The following PHC3 variants were observed in gnomAD, a reference collection of about 807,000 sequenced individuals.
PHC3 encodes polyhomeotic-like protein 3.
Under a neutral mutation model 107.4 loss-of-function variants are expected in PHC3, and 13 were observed. The ratio of observed to expected loss-of-function variants is 0.12; its 90% CI spans 0.08 to 0.19. The LOEUF is 0.19. Among genes scored for constraint, PHC3 ranks in the 10% least tolerant of loss-of-function variants. PHC3 has a pLI of 1.00. For synonymous variants in PHC3, 456 were observed against 427.4 expected, an observed-to-expected ratio of 1.07 and a Z score of -0.83; for missense variants, 992 against 1,210.9, an observed-to-expected ratio of 0.82 and a Z score of 2.68.
intron 6 of PHC3, among the ~76,000 whole-genome samples, chr3:170,142,017 C>T (rs1373588694): frequency 6.6e-6 from 1 of 152,148 alleles, no homozygotes; most frequent in Non-Finnish European, 1.5e-5. Context: ...TAGTTAGCAG[C>T]TTGTGATATC....
chr3:170,129,440 C>T lies in PHC3; in HGVS notation c.1032G>A (p.Gln344=). The part of the protein sequence containing the change: ...HHQLILQQQQ[Q]QIQPITLQNS... ...TCTGAAGTGTGATTGGCTGAATTTG[C>T]TGTTGCTGCTGTTGTAATATCAGCT... Residue 344 remains glutamine (Q), a synonymous_variant, in exon 8 of 15, where the codon CAG becomes CAA. Transcript: ENST00000495893. The T allele has an allele frequency of 1.2e-6, 2 of 1,613,826 alleles. No homozygotes were observed. Among genetic ancestry groups the T allele is most frequent in the Non-Finnish European group, 1.7e-6 (2 of 1,179,842 alleles).
intron 10 of PHC3, among the ~76,000 whole-genome samples, chr3:170,114,127 G>A (rs1718420532): frequency 2.0e-5 from 3 of 151,928 alleles, no homozygotes; most frequent in Admixed American, 1.3e-4. Context: ...CTCCTGTCTC[G>A]GCCTCCCAAG....
At chr3:170,102,130 A>G in intron 14 of PHC3, 1 of 982,808 alleles carries the variant, frequency 1.0e-6, no homozygotes, top group Non-Finnish European at 1.2e-6. Context: ...GAATAGAAAA[A>G]TAGAAGAGCA....
intron 7 of PHC3, 76 bp from the exon 8 acceptor site, chr3:170,129,628 T>G: frequency 1.5e-6 from 2 of 1,341,956 alleles, no homozygotes; most frequent in Middle Eastern, 3.8e-4. Flanking sequence ...AAGGAAAAAG[T>G]GTTCATTATC....
chr3:170,099,834 A>C (rs143251191), intron 14 of PHC3, among the ~76,000 whole-genome samples: 1,862 of 152,354 alleles, frequency 0.012, 41 homozygotes, highest in African/African-American at 0.042. Flanking sequence ...TGTTTTAAAA[A>C]ATGATTCCTA....
At chr3:170,131,142 T>A (rs1324100785) in intron 7 of PHC3, among the ~76,000 whole-genome samples, 20 of 59,450 alleles carry the variant, frequency 3.4e-4, no homozygotes, top group Non-Finnish European at 4.4e-4. Flanking sequence ...ATCCACTAAT[T>A]GTTAAAAAAA....
chr3:170,156,247 G>A (rs375909764), intron 4 of PHC3, among the ~76,000 whole-genome samples: 3 of 151,660 alleles, frequency 2.0e-5, no homozygotes, highest in East Asian at 3.9e-4. Context: ...CACCATATCC[G>A]GCCCTATGCA....
Position 170,096,980 on chromosome 3 carries a change from G to A in PHC3, c.*250C>T. The A allele has an allele frequency of 3.1e-6, 1 of 320,062 alleles. No individual in the cohort carries two copies. The highest frequency in any genetic ancestry group is 2.1e-5 in the African/African-American group (1 of 46,912). 19.8% of individuals were successfully genotyped at this position (320,062 alleles called of 1,614,324 possible). ...ACACATTTCTTTGAAAAATATCATG[G>A]CCCTCTGTAACAAGTCTTTCAATGT... On this transcript the variant is annotated 3_prime_UTR_variant, in exon 15 of 15. Coordinates refer to ENST00000495893, the MANE Select transcript of PHC3 (RefSeq NM_024947.4).
Position 170,096,488 on chromosome 3 carries a change from CCA to C in PHC3, c.*740_*741del, listed in dbSNP as rs1714660501. The C allele has an allele frequency of 6.6e-6, 1 of 152,080 alleles. No individual in the cohort carries two copies. The highest frequency in any genetic ancestry group is 6.6e-5 in the Admixed American group (1 of 15,240). 9.4% of individuals were successfully genotyped at this position (152,080 alleles called of 1,614,324 possible). A position where few individuals can be genotyped will look rare whatever the true frequency, so the allele number is the denominator to read the frequency against. ...CACCAGTAGCAACCCTCCCCTGAAC[CCA>C]CCCCCAAGCTGTGACAACCAAAATG... On this transcript the variant is annotated 3_prime_UTR_variant, in exon 15 of 15. Coordinates refer to ENST00000495893, the MANE Select transcript of PHC3 (RefSeq NM_024947.4).
intron 4 of PHC3, among the ~76,000 whole-genome samples, chr3:170,164,188 A>G (rs895266949): frequency 1.3e-5 from 2 of 152,218 alleles, no homozygotes; most frequent in Admixed American, 6.5e-5. Flanking sequence ...AGAGTGAGAT[A>G]GTATCTCCTA....
intron 12 of PHC3, among the ~76,000 whole-genome samples, chr3:170,105,799 A>T (rs1178521323): frequency 6.6e-6 from 1 of 152,206 alleles, no homozygotes; most frequent in Admixed American, 6.5e-5. Flanking sequence ...CTTCAACTTT[A>T]GTGGTAAGTA....
At chr3:170,121,415 G>C (rs1720276972) in intron 9 of PHC3, among the ~76,000 whole-genome samples, 2 of 152,202 alleles carry the variant, frequency 1.3e-5, no homozygotes, top group African/African-American at 4.8e-5. Flanking sequence ...CGAAACATTT[G>C]TGTTTAGTAA....
chr3:170,126,678 AT>A (rs1447670823), intron 8 of PHC3, among the ~76,000 whole-genome samples: 21 of 151,608 alleles, frequency 1.4e-4, no homozygotes, highest in Non-Finnish European at 2.5e-4. Flanking sequence ...AGTAGCTGGG[AT>A]TACAGGCATT....
chr3:170,180,299 A>G (rs1444864295), intron 1 of PHC3, among the ~76,000 whole-genome samples: 3 of 152,082 alleles, frequency 2.0e-5, no homozygotes, highest in Admixed American at 6.6e-5. Flanking sequence ...AAAATAAAAA[A>G]TTAGCCAGGC....
rs1560077494 is a variant in PHC3 at position 170,136,590 on chromosome 3, T to C, written c.748A>G (p.Ser250Gly). The C allele has an allele frequency of 6.2e-7, 1 of 1,613,896 alleles. No homozygotes were observed. Among genetic ancestry groups the C allele is most frequent in the Admixed American group, 1.7e-5 (1 of 60,004 alleles). ...SSQNGPPKSTSQTQSLTICHN... is the reference protein window; with the variant it reads ...SSQNGPPKSTGQTQSLTICHN... ...CAAATTGTCAATGACTGAGTTTGAC[T>C]AGTGCTTTTTGGTGGACCATTCTGT... is the stretch of plus-strand genomic sequence containing the variant. The change falls in exon 7 of 15, where the codon AGT becomes GGT. Residue 250 changes from serine (S) to glycine (G), a missense_variant. Coordinates refer to ENST00000495893, the MANE Select transcript of PHC3 (RefSeq NM_024947.4).
chr3:170,112,713 G>A lies in PHC3; in HGVS notation c.2353+647C>T, dbSNP rs988618326. 4.6e-5 allele frequency among the ~76,000 whole-genome samples: 7 copies of A among 152,004 alleles called. No homozygotes were observed. In the South Asian group the frequency reaches 8.3e-4, roughly 18 times the overall value. On this transcript the variant is annotated intron_variant, in intron 11 of 14. Transcript: ENST00000495893. ...TAATTTTTGTATTTTTAGTAGAGAC[G>A]GGGTTTCACCATGTTGGTCAGGCTG...
rs760418765 is a variant in PHC3, at chr3:170,129,509, C to T, written c.963G>A (p.Gln321=). ...AAGGTGGTGAATGAAGAGGAATCTG[C>T]TGATGTTTTATTAGAGAATGAGGCT... The part of the protein sequence containing the change: ...PIQPHSLIKH[Q]QIPLHSPPSK... The change falls in exon 8 of 15, where the codon CAG becomes CAA. Residue 321 remains glutamine (Q), a synonymous_variant. Transcript: ENST00000495893. 35 of 1,613,544 alleles carry T rather than the reference C, an allele frequency of 2.2e-5. No homozygotes were observed. Among genetic ancestry groups the T allele is most frequent in the Non-Finnish European group, 2.9e-5 (34 of 1,179,704 alleles).
At position 170,129,046 on chromosome 3, in the gene PHC3, C is replaced by A; in HGVS notation, c.1426G>T (p.Val476Leu). The stretch of plus-strand genomic sequence containing the variant: ...GACTGCTGAACTGGGCCAATGTGTA[C>A]AACAGGGGAAGCTGGAAGTGGAAGA... ...SHLPLPASPV[V>L]HIGPVQQSAL... The change falls in exon 8 of 15, where the codon GTA becomes TTA. Residue 476 changes from valine to leucine, a missense_variant. Physicochemically the swap from Val to Leu is conservative, Grantham distance 32 (BLOSUM62 1). Coordinates refer to ENST00000495893, the MANE Select transcript of PHC3 (RefSeq NM_024947.4). 1 of 1,612,330 alleles carries A rather than the reference C, an allele frequency of 6.2e-7. No individual in the cohort carries two copies. The highest frequency in any genetic ancestry group is 1.1e-5 in the South Asian group (1 of 90,868).
Position 170,155,013 on chromosome 3 carries a change from T to C in PHC3, c.415-5769A>G, listed in dbSNP as rs73032524. On this transcript the variant is annotated intron_variant, in intron 4 of 14. Transcript: ENST00000495893. ...CCCTGACCAATCCTGTCACTTCATA[T>C]CTCAAGTCACACTCCACAAAGAAAC... Among the ~76,000 whole-genome samples, 1,216 of 152,314 alleles carry C rather than the reference T, an allele frequency of 8.0e-3. 14 individuals are homozygous for C. Among genetic ancestry groups the C allele is most frequent in the African/African-American group, 0.027 (1,120 of 41,562 alleles).
Sources: gnomAD v4.1 joint callset for allele counts (sites outside exome capture counted in the v4.1 genomes callset) on GRCh38, gnomAD v4.1.1 for gene constraint, MANE v1.5 for transcripts, NCBI Gene and HGNC (gene_info 2026-07-23, HGNC 2026-07-21) for gene names.